APOOL: variants seen among roughly 807,000 people sequenced by gnomAD.
APOOL encodes the protein MICOS complex subunit MIC27.
In APOOL, 12 loss-of-function variants were observed where a neutral mutation model predicts 23.1. The observed-to-expected ratio is 0.52, with a 90% CI of 0.33 to 0.84. The LOEUF (loss-of-function observed/expected upper bound fraction) is 0.84. Among genes scored for constraint, APOOL ranks in the 40% least tolerant of loss-of-function variants. APOOL has a pLI of 0.02. For missense variants in APOOL, 212 were observed against 199.6 expected, an observed-to-expected ratio of 1.06 and a Z score of -0.37; for synonymous variants, 77 against 69.9, an observed-to-expected ratio of 1.10 and a Z score of -0.51.
chrX:85,083,666 T>G (rs1386065525), intron 8 of APOOL, among the ~76,000 whole-genome samples: 1 of 112,091 alleles, frequency 8.9e-6, no homozygotes, highest in Non-Finnish European at 1.9e-5. Flanking sequence ...GTCATCCTGA[T>G]TTTATATACA....
rs1006464454 is a variant in APOOL at position 85,093,026 on chromosome X, A to G, written c.*5348A>G. Reference sequence around the variant, plus strand: ...GACTATAATTCATATACTGTATATGATCATCTGATTTGAAAATCCAGTTTA... The same window carrying G: ...GACTATAATTCATATACTGTATATGGTCATCTGATTTGAAAATCCAGTTTA... On this transcript the variant is annotated 3_prime_UTR_variant, in exon 9 of 9. Coordinates refer to ENST00000373173, the MANE Select transcript of APOOL (RefSeq NM_198450.6). 14 of 477,157 alleles carry G rather than the reference A, an allele frequency of 2.9e-5. No individual in the cohort carries two copies. In the African/African-American group the frequency reaches 3.4e-4, roughly 12 times the overall value. 39.3% of individuals were successfully genotyped at this position (477,157 alleles called of 1,213,427 possible).
At chrX:85,043,722 A>G (rs145284999) in intron 1 of APOOL, among the ~76,000 whole-genome samples, 120 of 110,996 alleles carry the variant, frequency 1.1e-3, no homozygotes, top group African/African-American at 3.9e-3. Context: ...AAAAATTGCA[A>G]CCTTTTTTTG....
chrX:85,074,113 T>C lies in APOOL; in HGVS notation c.600+2T>C, dbSNP rs1923761976. On this transcript the variant is annotated splice_donor_variant, in intron 7 of 8. Coordinates refer to ENST00000373173, the MANE Select transcript of APOOL (RefSeq NM_198450.6). LOFTEE classifies it high-confidence loss of function. ...CCTAAACCTAAAGAAAAAACTAAGG[T>C]AGAGTTTACATGGAGCAAGACGGTC... 8.7e-7 allele frequency: 1 copy of C among 1,155,171 alleles called. No individual in the cohort carries two copies. Among genetic ancestry groups the C allele is most frequent in the African/African-American group, 1.8e-5 (1 of 55,154 alleles).
chrX:85,052,987 C>T (rs1386694848), intron 3 of APOOL, among the ~76,000 whole-genome samples: 1 of 111,740 alleles, frequency 8.9e-6, no homozygotes, highest in East Asian at 2.8e-4. Flanking sequence ...AGGCAATTTC[C>T]AGTGCATTTT....
At chrX:85,005,254 C>T (rs1921016891) in intron 1 of APOOL, among the ~76,000 whole-genome samples, 1 of 110,796 alleles carries the variant, frequency 9.0e-6, no homozygotes, top group Admixed American at 9.6e-5. Context: ...GGCGATTCTC[C>T]TGCCTCAGTC....
At chrX:85,086,245 G>C (rs922299724) in intron 8 of APOOL, among the ~76,000 whole-genome samples, 22 of 111,097 alleles carry the variant, frequency 2.0e-4, no homozygotes, top group African/African-American at 7.2e-4. Flanking sequence ...CTTGCTCTTG[G>C]TTCTCTTACC....
Position 85,092,615 on chromosome X carries a change from T to A in APOOL, c.*4937T>A. ...CTTTCATTTGAAAGTATAATCTTCG[T>A]TAACACATATATTTTATTGAAGGTC... On this transcript the variant is annotated 3_prime_UTR_variant, in exon 9 of 9. Transcript: ENST00000373173. 9.4e-7 allele frequency: 1 copy of A among 1,059,126 alleles called. No individual in the cohort carries two copies. 87.3% of individuals were successfully genotyped at this position (1,059,126 alleles called of 1,213,427 possible).
chrX:85,082,624 C>A (rs1924150400), intron 8 of APOOL, among the ~76,000 whole-genome samples: 1 of 111,316 alleles, frequency 9.0e-6, no homozygotes. Flanking sequence ...AAATTCAGAT[C>A]TCAATGTCCA....
rs1434833894 is a variant in APOOL, at chrX:85,092,596, T to C, written c.*4918T>C. On this transcript the variant is annotated 3_prime_UTR_variant, in exon 9 of 9. Transcript: ENST00000373173. ...AACAAACAAGCAAATATTACTTTCA[T>C]TTGAAAGTATAATCTTCGTTAACAC... The C allele has an allele frequency of 8.8e-7, 1 of 1,141,278 alleles. No homozygotes were observed. The highest frequency in any genetic ancestry group is 1.9e-5 in the South Asian group (1 of 52,270). The allele number at this position is 1,141,278 out of a possible 1,213,427, so 94.1% of individuals were successfully genotyped here. A position where few individuals can be genotyped will look rare whatever the true frequency, so the allele number is the denominator to read the frequency against.
chrX:85,012,813 G>A lies in APOOL; in HGVS notation c.15+8886G>A, dbSNP rs888353681. Among the ~76,000 whole-genome samples, 17 of 110,614 alleles carry A rather than the reference G, an allele frequency of 1.5e-4. No homozygotes were observed. In the Admixed American group the frequency reaches 1.6e-3, roughly 11 times the overall value. On this transcript the variant is annotated intron_variant, in intron 1 of 8. Transcript: ENST00000373173. ...ATTGGTCTGTAGTTTTCTTTTTTTTGTATGTCCTTTCCTGGTTTTGGTATT... is the reference window on the plus strand; with the variant it reads ...ATTGGTCTGTAGTTTTCTTTTTTTTATATGTCCTTTCCTGGTTTTGGTATT...
chrX:85,063,540 C>T (rs187741478), intron 5 of APOOL, among the ~76,000 whole-genome samples: 3 of 111,303 alleles, frequency 2.7e-5, no homozygotes, highest in Non-Finnish European at 3.8e-5. Context: ...CATGTTCCTT[C>T]GATACCTAGT....
chrX:85,041,527 T>A (rs1159344889), intron 1 of APOOL, among the ~76,000 whole-genome samples: 2 of 111,471 alleles, frequency 1.8e-5, no homozygotes, highest in African/African-American at 6.5e-5. Flanking sequence ...GTCCGTCCAT[T>A]CCTCAGCACC....
chrX:85,045,479 T>A lies in APOOL; in HGVS notation c.16-967T>A, dbSNP rs368851964. ...AGAACATTTAGAATCCTTTAGCCAG[T>A]GATTCTTCCAGGTGTTGCACAATTT... is the stretch of plus-strand genomic sequence containing the variant. On this transcript the variant is annotated intron_variant, in intron 1 of 8. Coordinates refer to ENST00000373173, the MANE Select transcript of APOOL (RefSeq NM_198450.6). Among the ~76,000 whole-genome samples the A allele has an allele frequency of 6.2e-5, 7 of 112,075 alleles. No homozygotes were observed. In the South Asian group the frequency reaches 2.6e-3, roughly 41 times the overall value.
intron 1 of APOOL, among the ~76,000 whole-genome samples, chrX:85,022,796 C>T (rs1921714704): frequency 8.9e-6 from 1 of 111,784 alleles, no homozygotes; most frequent in Non-Finnish European, 1.9e-5. Flanking sequence ...GGAAGAAGTT[C>T]AATTGTCCTT....
In APOOL at chrX:85,087,761, G is replaced by A; in HGVS notation, c.*83G>A. ...ATGATGAAAATAAATCATGTAATGG[G>A]TAACTGATACATAGAGTATTACCTA... On this transcript the variant is annotated 3_prime_UTR_variant, in exon 9 of 9. Coordinates refer to ENST00000373173, the MANE Select transcript of APOOL (RefSeq NM_198450.6). 2 of 830,054 alleles carry A rather than the reference G, an allele frequency of 2.4e-6. No individual in the cohort carries two copies. Among genetic ancestry groups the A allele is most frequent in the Non-Finnish European group, 3.4e-6 (2 of 593,686 alleles). 68.4% of individuals were successfully genotyped at this position (830,054 alleles called of 1,213,427 possible).
chrX:85,037,955 AAC>A (rs1922270644), intron 1 of APOOL, among the ~76,000 whole-genome samples: 2 of 111,760 alleles, frequency 1.8e-5, no homozygotes, highest in Non-Finnish European at 3.8e-5. Flanking sequence ...AAACAAATAC[AAC>A]AAAAACAAAA....
chrX:85,066,092 A>G lies in APOOL; in HGVS notation c.395-1035A>G, dbSNP rs187514306. Among the ~76,000 whole-genome samples the G allele has an allele frequency of 7.5e-3, 832 of 111,162 alleles. 3 individuals carry two copies. Among genetic ancestry groups the G allele is most frequent in the Middle Eastern group, 0.014 (3 of 214 alleles). Reference sequence around the variant, plus strand: ...CTAAACTGCAAATTTGCCTGCAAACATTCATTTTCATTTGTATAATATACC... The same window carrying G: ...CTAAACTGCAAATTTGCCTGCAAACGTTCATTTTCATTTGTATAATATACC... On this transcript the variant is annotated intron_variant, in intron 5 of 8. Coordinates refer to ENST00000373173, the MANE Select transcript of APOOL (RefSeq NM_198450.6).
At chrX:85,051,622 TA>T in intron 3 of APOOL, 114 bp downstream of exon 3, 3 of 931,879 alleles carry the variant, frequency 3.2e-6, no homozygotes, top group Non-Finnish European at 4.5e-6. Context: ...CCACAACCAT[TA>T]TATTACATCT....
intron 1 of APOOL, among the ~76,000 whole-genome samples, chrX:85,037,533 GTCTT>G (rs1485052912): frequency 9.0e-6 from 1 of 111,329 alleles, no homozygotes; most frequent in African/African-American, 3.3e-5. Flanking sequence ...TCTTGGATAT[GTCTT>G]TATCAGCAGT....
Sources: gnomAD v4.1 joint callset for allele counts (sites outside exome capture counted in the v4.1 genomes callset) on GRCh38, gnomAD v4.1.1 for gene constraint, MANE v1.5 for transcripts, NCBI Gene and HGNC (gene_info 2026-07-23, HGNC 2026-07-21) for gene names.